Variants in NXN observed in about 807,000 individuals in gnomAD.
NXN encodes the protein nucleoredoxin, also known as nucleoredoxin 1.
In NXN, 16 loss-of-function variants were observed where a neutral mutation model predicts 48.6. That is an observed-to-expected ratio of 0.33 (90% CI 0.22 to 0.50). The LOEUF is 0.50. Among genes scored for constraint, NXN ranks in the 20% least tolerant of loss-of-function variants. The pLI is 0.98. For synonymous variants in NXN, 281 were observed against 269.6 expected, an observed-to-expected ratio of 1.04 and a Z score of -0.41; for missense variants, 492 against 605.5, an observed-to-expected ratio of 0.81 and a Z score of 1.97.
At chr17:895,434 CT>C (rs2068468730) in intron 1 of NXN, among the ~76,000 whole-genome samples, 2 of 152,146 alleles carry the variant, frequency 1.3e-5, no homozygotes, top group Non-Finnish European at 2.9e-5. Flanking sequence ...ACCATGGGGA[CT>C]GCTGCCATGA....
At chr17:879,989 C>T (rs762440399) in intron 1 of NXN, 25 of 152,132 alleles carry the variant, frequency 1.6e-4, no homozygotes, top group African/African-American at 5.6e-4. Flanking sequence ...AGCAGAACCT[C>T]GGAGCCATGT....
At position 919,417 on chromosome 17, in the gene NXN, T is replaced by G. The variant is rs933097868; in HGVS notation, c.360+59902A>C. Among the ~76,000 whole-genome samples the G allele has an allele frequency of 6.6e-6, 1 of 152,158 alleles. No homozygotes were observed. The highest frequency in any genetic ancestry group is 2.4e-5 in the African/African-American group (1 of 41,428). On this transcript the variant is annotated intron_variant, in intron 1 of 7. Transcript: ENST00000336868. The surrounding 1 kb of genome is among the most constrained non-coding windows in gnomAD (Gnocchi z 5.1). The stretch of plus-strand genomic sequence containing the variant: ...ATTATTCCAATTAAACAGCTTTTAT[T>G]ACAATACTCTGTCAATGCAGGGCAA...
chr17:819,601 G>C, intron 4 of NXN, 56 bp from the exon 5 acceptor site: 2 of 1,242,334 alleles, frequency 1.6e-6, no homozygotes, highest in Non-Finnish European at 2.3e-6. Flanking sequence ...CACCAACGCT[G>C]AATCCTCCCA....
chr17:863,971 A>C (rs1489267019), intron 1 of NXN: 2 of 1,534,772 alleles, frequency 1.3e-6, no homozygotes, highest in East Asian at 2.4e-5. Context: ...TGAGTGAGGA[A>C]ACACGTTAAC....
Position 835,075 on chromosome 17 carries a change from G to A in NXN, c.361-8997C>T, listed in dbSNP as rs551727989. On this transcript the variant is annotated intron_variant, in intron 1 of 7. Transcript: ENST00000336868. ...CGTAATCCCAGCACTTTGGGAGGCC[G>A]AGGCGGGCGGATCACAAGGTCAGGA... 1.0e-3 allele frequency among the ~76,000 whole-genome samples: 154 copies of A among 151,634 alleles called. 1 individual carries two copies. Among genetic ancestry groups the A allele is most frequent in the Middle Eastern group, 6.8e-3 (2 of 292 alleles).
intron 1 of NXN, among the ~76,000 whole-genome samples, chr17:966,807 G>T (rs144856472): frequency 4.7e-5 from 6 of 127,952 alleles, no homozygotes; most frequent in South Asian, 5.4e-4. Flanking sequence ...ATGACTGTTG[G>T]GGGGGTGGGG....
chr17:896,394 C>G (rs1235789161), intron 1 of NXN, among the ~76,000 whole-genome samples: 1 of 151,534 alleles, frequency 6.6e-6, no homozygotes, highest in East Asian at 1.9e-4. Flanking sequence ...GCCTGCAGTC[C>G]TAACTACTCG....
At chr17:805,035 A>ACCCCACGCCCCCAGCCC in intron 6 of NXN, 33 bp downstream of exon 6, 2 of 1,155,132 alleles carry the variant, frequency 1.7e-6, no homozygotes, top group Non-Finnish European at 2.4e-6. Flanking sequence ...CCCCCCAGCC[A>ACCCCACGCCCCCAGCCC]CCCCTCGCCC....
chr17:812,118 G>T (rs62067085), intron 5 of NXN, among the ~76,000 whole-genome samples: 1 of 149,914 alleles, frequency 6.7e-6, no homozygotes, highest in Non-Finnish European at 1.5e-5. Flanking sequence ...TAATAGAGAC[G>T]GGGTTTCACC....
chr17:971,897 G>A (rs578232695), intron 1 of NXN, among the ~76,000 whole-genome samples: 5 of 152,218 alleles, frequency 3.3e-5, no homozygotes, highest in Middle Eastern at 3.4e-3. Context: ...GCCGGGCGCC[G>A]CAGCTCACGC....
intron 1 of NXN, among the ~76,000 whole-genome samples, chr17:893,464 C>T (rs930029241): frequency 2.6e-5 from 4 of 152,224 alleles, no homozygotes; most frequent in African/African-American, 9.6e-5. Context: ...TTATCTCCAT[C>T]GCTCAGTAGC....
At chr17:906,092 T>C (rs529545561) in intron 1 of NXN, among the ~76,000 whole-genome samples, 6 of 152,258 alleles carry the variant, frequency 3.9e-5, no homozygotes, top group South Asian at 2.1e-4. Context: ...AAACGAATAG[T>C]AATAGGACAT....
chr17:825,624 C>T lies in NXN; in HGVS notation c.478+337G>A, dbSNP rs1321995579. On this transcript the variant is annotated intron_variant, in intron 2 of 7. Transcript: ENST00000336868. The surrounding 1 kb of genome is among the most constrained non-coding windows in gnomAD (Gnocchi z 4.1). ...AGCCTGCCTCTAACTGTGAAGGGGG[C>T]AGCCGCCACGGATGCAGCACTAGAG... 9.1e-6 allele frequency: 2 copies of T among 220,104 alleles called. No individual in the cohort carries two copies. The highest frequency in any genetic ancestry group is 1.8e-5 in the Non-Finnish European group (2 of 111,528). 13.6% of individuals were successfully genotyped at this position (220,104 alleles called of 1,614,324 possible).
At position 917,429 on chromosome 17, in the gene NXN, G is replaced by A. The variant is rs893282495; in HGVS notation, c.360+61890C>T. Among the ~76,000 whole-genome samples, 4 of 152,210 alleles carry A rather than the reference G, an allele frequency of 2.6e-5. No homozygotes were observed. Among genetic ancestry groups the A allele is most frequent in the Non-Finnish European group, 5.9e-5 (4 of 68,030 alleles). ...GTGCTGGGCCTCTGAAAGAACAGGCGGGAGCCGCCGCTCACATCTTTACTC... is the reference window on the plus strand; with the variant it reads ...GTGCTGGGCCTCTGAAAGAACAGGCAGGAGCCGCCGCTCACATCTTTACTC... On this transcript the variant is annotated intron_variant, in intron 1 of 7. Coordinates refer to ENST00000336868, the MANE Select transcript of NXN (RefSeq NM_022463.5). This position sits in a 1 kb window ranked among gnomAD's most constrained non-coding sequence, Gnocchi z 4.5.
intron 1 of NXN, among the ~76,000 whole-genome samples, chr17:913,858 C>T (rs1003003696): frequency 3.9e-5 from 6 of 152,124 alleles, no homozygotes; most frequent in Admixed American, 2.0e-4. Flanking sequence ...ATTATAACGG[C>T]GTGTCCTCCC....
chr17:801,194 TG>T (rs1911185135), intron 7 of NXN, 63 bp from the exon 8 acceptor site: 30 of 1,331,834 alleles, frequency 2.3e-5, no homozygotes, highest in Non-Finnish European at 2.9e-5. Flanking sequence ...GAGAGTCCCC[TG>T]GGCCCAGTCT....
chr17:854,510 C>T (rs1597665833), intron 1 of NXN, among the ~76,000 whole-genome samples: 1 of 151,636 alleles, frequency 6.6e-6, no homozygotes, highest in South Asian at 2.1e-4. Context: ...AAAAAATTAG[C>T]CAGGCGTGGT....
chr17:894,107 A>C (rs1474115248), intron 1 of NXN, among the ~76,000 whole-genome samples: 1 of 130,670 alleles, frequency 7.7e-6, no homozygotes, highest in Non-Finnish European at 1.6e-5. Context: ...GAAGCATCTC[A>C]ACTCCCTGGA....
intron 1 of NXN, among the ~76,000 whole-genome samples, chr17:929,369 T>C (rs2068831769): frequency 6.6e-6 from 1 of 152,228 alleles, no homozygotes; most frequent in African/African-American, 2.4e-5. Flanking sequence ...ACGTTTTGAC[T>C]GTGCACGAAA....
Sources: gnomAD v4.1 joint callset for allele counts (sites outside exome capture counted in the v4.1 genomes callset) on GRCh38, gnomAD v4.1.1 for gene constraint, Gnocchi (gnomAD v3.1) non-coding constraint, MANE v1.5 for transcripts, NCBI Gene and HGNC (gene_info 2026-07-23, HGNC 2026-07-21) for gene names.